Variants in DTNBP1 observed in about 807,000 individuals in gnomAD.
DTNBP1 encodes the protein dysbindin.
In DTNBP1, 35 loss-of-function variants were observed where a neutral mutation model predicts 42.8. The observed-to-expected ratio is 0.82, with a 90% CI of 0.63 to 1.09. DTNBP1 has a LOEUF of 1.09. Among genes scored for constraint, DTNBP1 ranks in the 50% least tolerant of loss-of-function variants. The pLI is 0.00. For synonymous variants in DTNBP1, 171 were observed against 162.2 expected (o/e 1.05, Z -0.41); for missense variants, 457 against 424.2 (o/e 1.08, Z -0.68).
At chr6:15,529,102 C>G (rs1772629974) in intron 8 of DTNBP1, among the ~76,000 whole-genome samples, 1 of 152,164 alleles carries the variant, frequency 6.6e-6, no homozygotes, top group South Asian at 2.1e-4. Context: ...CTGGGCCACA[C>G]AGTGAGACCC....
chr6:15,544,520 C>A (rs915566174), intron 7 of DTNBP1, among the ~76,000 whole-genome samples: 2 of 152,166 alleles, frequency 1.3e-5, no homozygotes, highest in Admixed American at 1.3e-4. Flanking sequence ...ATTTTACATC[C>A]CCATCATCAC....
chr6:15,524,682 C>A lies in DTNBP1; in HGVS notation c.668-13G>T, dbSNP rs756447950. ...CTGCCTATGGGCTCTGCGGATAGAT[C>A]AACACGAGAAAGGACACGCTGTCTT... On this transcript the variant is annotated splice_polypyrimidine_tract_variant and intron_variant, in intron 8 of 9. Coordinates refer to ENST00000344537, the MANE Select transcript of DTNBP1 (RefSeq NM_032122.5). The A allele has an allele frequency of 4.3e-6, 7 of 1,611,846 alleles. No homozygotes were observed. Among genetic ancestry groups the A allele is most frequent in the South Asian group, 1.1e-5 (1 of 91,006 alleles).
chr6:15,525,498 A>C (rs1277805766), intron 8 of DTNBP1, among the ~76,000 whole-genome samples: 5 of 152,268 alleles, frequency 3.3e-5, no homozygotes, highest in Non-Finnish European at 5.9e-5. Flanking sequence ...ACTCCGAGTG[A>C]AGGGCAGCAG....
At chr6:15,569,110 G>A (rs1355877513) in intron 7 of DTNBP1, among the ~76,000 whole-genome samples, 1 of 152,140 alleles carries the variant, frequency 6.6e-6, no homozygotes, top group Non-Finnish European at 1.5e-5. Flanking sequence ...GCTGCACTTT[G>A]ACCCACTTCC....
chr6:15,661,361 A>T (rs1218840963), intron 1 of DTNBP1, among the ~76,000 whole-genome samples: 41 of 123,928 alleles, frequency 3.3e-4, no homozygotes, highest in Non-Finnish European at 5.3e-4. Context: ...CACTTTAAAA[A>T]AAAGGGGGGG....
intron 7 of DTNBP1, among the ~76,000 whole-genome samples, chr6:15,560,443 T>C (rs1187139030): frequency 6.6e-6 from 1 of 152,230 alleles, no homozygotes; most frequent in Non-Finnish European, 1.5e-5. Context: ...CTATCTGATT[T>C]CTCCAGAATT....
intron 7 of DTNBP1, among the ~76,000 whole-genome samples, chr6:15,588,786 C>T (rs1776179363): frequency 6.6e-6 from 1 of 152,204 alleles, no homozygotes; most frequent in African/African-American, 2.4e-5. Flanking sequence ...AACATATATG[C>T]ATCTTTACAA....
At chr6:15,569,103 G>A (rs560514021) in intron 7 of DTNBP1, among the ~76,000 whole-genome samples, 1 of 152,246 alleles carries the variant, frequency 6.6e-6, no homozygotes, top group African/African-American at 2.4e-5. Flanking sequence ...TAATCAGGCT[G>A]CACTTTGACC....
intron 7 of DTNBP1, among the ~76,000 whole-genome samples, chr6:15,576,769 TAAAAA>T (rs34473285): frequency 1.0e-5 from 1 of 99,102 alleles, no homozygotes; most frequent in Non-Finnish European, 2.1e-5. Context: ...ACTCTGTCTC[TAAAAA>T]AAAAAAAAAA....
intron 6 of DTNBP1, among the ~76,000 whole-genome samples, chr6:15,602,867 TA>T (rs1255740256): frequency 6.6e-6 from 1 of 152,244 alleles, no homozygotes; most frequent in Non-Finnish European, 1.5e-5. Context: ...GTCATTTGCA[TA>T]ACTGGAGGAA....
chr6:15,614,001 T>C (rs1394987371), intron 6 of DTNBP1, among the ~76,000 whole-genome samples: 1 of 152,114 alleles, frequency 6.6e-6, no homozygotes, highest in African/African-American at 2.4e-5. Context: ...GAATTAACTT[T>C]AGAATGGACT....
At chr6:15,555,108 T>C (rs1270985434) in intron 7 of DTNBP1, among the ~76,000 whole-genome samples, 2 of 151,264 alleles carry the variant, frequency 1.3e-5, no homozygotes, top group Non-Finnish European at 2.9e-5. Context: ...AAGGTTACTC[T>C]GGGTCCCCTT....
At chr6:15,528,057 G>A (rs1772535418) in intron 8 of DTNBP1, among the ~76,000 whole-genome samples, 1 of 152,202 alleles carries the variant, frequency 6.6e-6, no homozygotes, top group Non-Finnish European at 1.5e-5. Context: ...AAGAGGTCCA[G>A]TGTGTCTCCG....
chr6:15,548,438 G>GACACACACACACAC (rs3045754), intron 7 of DTNBP1: 88 of 136,706 alleles, frequency 6.4e-4, no homozygotes, highest in African/African-American at 2.0e-3. Flanking sequence ...AACACACACA[G>GACACACACACACAC]ACACACACAC....
intron 8 of DTNBP1, among the ~76,000 whole-genome samples, chr6:15,527,884 T>C (rs903664329): frequency 1.3e-5 from 2 of 152,058 alleles, no homozygotes; most frequent in Non-Finnish European, 2.9e-5. Context: ...ATGGAAAACT[T>C]GCCAAAATTA....
At chr6:15,653,855 A>G (rs80256451) in intron 1 of DTNBP1, among the ~76,000 whole-genome samples, 1,603 of 152,364 alleles carry the variant, frequency 0.011, 18 homozygotes, top group Non-Finnish European at 0.014. Flanking sequence ...CTTTACTGCC[A>G]TCAGCCAGAA....
chr6:15,626,714 G>C (rs1759371100), intron 5 of DTNBP1, among the ~76,000 whole-genome samples: 2 of 152,124 alleles, frequency 1.3e-5, no homozygotes, highest in Non-Finnish European at 2.9e-5. Context: ...AATTTCCACA[G>C]AGTATAAATT....
At chr6:15,540,595 T>G (rs1773498647) in intron 7 of DTNBP1, among the ~76,000 whole-genome samples, 1 of 152,230 alleles carries the variant, frequency 6.6e-6, no homozygotes, top group Admixed American at 6.5e-5. Flanking sequence ...AATCCAATCA[T>G]GTCTCGACCT....
intron 7 of DTNBP1, among the ~76,000 whole-genome samples, chr6:15,564,807 C>T (rs1420259147): frequency 6.6e-6 from 1 of 152,102 alleles, no homozygotes; most frequent in Non-Finnish European, 1.5e-5. Flanking sequence ...CATTAGTTAT[C>T]ACAGAAGTAC....
Sources: allele counts gnomAD v4.1 joint callset (sites outside exome capture counted in the v4.1 genomes callset), GRCh38; gene constraint gnomAD v4.1.1; transcripts MANE v1.5; gene names NCBI Gene and HGNC (gene_info 2026-07-23, HGNC 2026-07-21).